The following PTPRD variants were observed in gnomAD, a reference collection of about 807,000 sequenced individuals.
The protein encoded by PTPRD is protein tyrosine phosphatase receptor type D.
Under a neutral mutation model 214.5 loss-of-function variants are expected in PTPRD, and 34 were observed. That is an observed-to-expected ratio of 0.16 (90% CI 0.12 to 0.21). The LOEUF (loss-of-function observed/expected upper bound fraction) is 0.21. Among genes scored for constraint, PTPRD ranks in the 10% least tolerant of loss-of-function variants. PTPRD has a pLI of 1.00. For synonymous variants in PTPRD, 1,128 were observed against 845.7 expected, an observed-to-expected ratio of 1.33 and a Z score of -5.79; for missense variants, 2,545 against 2,398.7, an observed-to-expected ratio of 1.06 and a Z score of -1.27.
At chr9:8,662,558 T>C (rs1268567516) in intron 12 of PTPRD, among the ~76,000 whole-genome samples, 2 of 152,066 alleles carry the variant, frequency 1.3e-5, no homozygotes, top group Non-Finnish European at 2.9e-5. Flanking sequence ...AAAATGGAAA[T>C]TTTCATCCTC....
intron 11 of PTPRD, among the ~76,000 whole-genome samples, chr9:8,822,185 T>C (rs573813894): frequency 9.2e-5 from 14 of 152,336 alleles, no homozygotes; most frequent in African/African-American, 2.9e-4. Flanking sequence ...TGTTTCTTAC[T>C]CTGTACCAAG....
At chr9:10,232,129 G>T (rs572747622) in intron 3 of PTPRD, among the ~76,000 whole-genome samples, 1 of 151,226 alleles carries the variant, frequency 6.6e-6, no homozygotes, top group Admixed American at 6.6e-5. Context: ...TTTTGCCCTA[G>T]CACCAAAGCC....
intron 8 of PTPRD, among the ~76,000 whole-genome samples, chr9:9,569,778 T>C (rs1262788217): frequency 6.6e-6 from 1 of 151,458 alleles, no homozygotes; most frequent in Admixed American, 6.6e-5. Flanking sequence ...GTGTAAATCA[T>C]ATAGAGTAAG....
intron 3 of PTPRD, among the ~76,000 whole-genome samples, chr9:10,317,338 G>C (rs898897287): frequency 6.6e-6 from 1 of 151,918 alleles, no homozygotes; most frequent in African/African-American, 2.4e-5. Context: ...AAACCATGCA[G>C]ATTATGTTAC....
At chr9:8,557,785 C>T (rs1319809241) in intron 14 of PTPRD, among the ~76,000 whole-genome samples, 1 of 133,610 alleles carries the variant, frequency 7.5e-6, no homozygotes, top group African/African-American at 2.8e-5. Flanking sequence ...AAAATACACA[C>T]ACACACACAC....
At chr9:10,320,381 G>A (rs1208659253) in intron 3 of PTPRD, among the ~76,000 whole-genome samples, 1 of 151,934 alleles carries the variant, frequency 6.6e-6, no homozygotes, top group African/African-American at 2.4e-5. Flanking sequence ...ATTAATATAT[G>A]GATTGATAAT....
At chr9:9,501,824 A>G (rs1178194953) in intron 8 of PTPRD, among the ~76,000 whole-genome samples, 3 of 151,972 alleles carry the variant, frequency 2.0e-5, no homozygotes, top group Non-Finnish European at 4.4e-5. Context: ...GTCAAAGAAG[A>G]TATCACAAAG....
At position 9,998,129 on chromosome 9, in the gene PTPRD, A is replaced by AAAAAATATATATAT. The variant is rs57991748; in HGVS notation, c.-472+35588_-472+35589insATATATATATTTTT. Among the ~76,000 whole-genome samples, 431 of 91,388 alleles carry AAAAAATATATATAT rather than the reference A, an allele frequency of 4.7e-3. 4 individuals carry two copies. The highest frequency in any genetic ancestry group is 8.1e-3 in the South Asian group (24 of 2,958). 60.0% of individuals were successfully genotyped at this position (91,388 alleles called of 152,430 possible). A position where few individuals can be genotyped will look rare whatever the true frequency, so the allele number is the denominator to read the frequency against. On this transcript the variant is annotated intron_variant, in intron 4 of 45. Coordinates refer to ENST00000381196, the MANE Select transcript of PTPRD (RefSeq NM_002839.4). Reference sequence around the variant, plus strand: ...TTAAAGTATAATAAAAAAAAAAAAAAATATATATATATATATAAAAGAAGA... The same window carrying AAAAAATATATATAT: ...TTAAAGTATAATAAAAAAAAAAAAAAAAAAATATATATATATATATATATATATATAAAAGAAGA...
At chr9:10,273,821 C>A (rs1047297050) in intron 3 of PTPRD, among the ~76,000 whole-genome samples, 2 of 152,038 alleles carry the variant, frequency 1.3e-5, no homozygotes, top group African/African-American at 4.8e-5. Flanking sequence ...AACACAATGG[C>A]CTTGCTTATA....
At chr9:9,001,218 C>T (rs1393080207) in intron 11 of PTPRD, among the ~76,000 whole-genome samples, 1 of 151,972 alleles carries the variant, frequency 6.6e-6, no homozygotes, top group African/African-American at 2.4e-5. Context: ...GGGGTTGCAG[C>T]AATAAACAAG....
intron 9 of PTPRD, among the ~76,000 whole-genome samples, chr9:9,343,292 T>A (rs2047540757): frequency 6.6e-6 from 1 of 152,184 alleles, no homozygotes; most frequent in Non-Finnish European, 1.5e-5. Context: ...TCTAGATCCT[T>A]GAAGAATCCC....
At chr9:8,561,726 A>G (rs2086444407) in intron 14 of PTPRD, among the ~76,000 whole-genome samples, 1 of 151,058 alleles carries the variant, frequency 6.6e-6, no homozygotes, top group South Asian at 2.1e-4. Flanking sequence ...TTATTTTTAT[A>G]AAGTCTTTAG....
At chr9:9,035,415 G>C (rs2099618351) in intron 10 of PTPRD, among the ~76,000 whole-genome samples, 1 of 152,026 alleles carries the variant, frequency 6.6e-6, no homozygotes, top group Admixed American at 6.6e-5. Context: ...AGACCTGAGA[G>C]TCATCTCTTT....
intron 7 of PTPRD, among the ~76,000 whole-genome samples, chr9:9,631,547 G>T (rs2095595833): frequency 6.6e-6 from 1 of 152,034 alleles, no homozygotes; most frequent in Admixed American, 6.6e-5. Flanking sequence ...AACATAGTCT[G>T]TAAGATTCAG....
At chr9:10,030,617 T>C (rs1363736445) in intron 4 of PTPRD, among the ~76,000 whole-genome samples, 1 of 152,018 alleles carries the variant, frequency 6.6e-6, no homozygotes, top group Admixed American at 6.6e-5. Context: ...CTCAGGGAAA[T>C]AAGAAGGGTC....
chr9:10,002,416 A>T (rs2096347294), intron 4 of PTPRD, among the ~76,000 whole-genome samples: 1 of 149,526 alleles, frequency 6.7e-6, no homozygotes, highest in African/African-American at 2.4e-5. Context: ...ATCAACACTT[A>T]ATCTACCTAT....
At chr9:8,610,599 A>C (rs376694003) in intron 14 of PTPRD, among the ~76,000 whole-genome samples, 1 of 152,214 alleles carries the variant, frequency 6.6e-6, no homozygotes, top group East Asian at 1.9e-4. Context: ...GCGAAAGTCA[A>C]GGAGTGGGCA....
At chr9:10,285,721 C>T (rs2095327203) in intron 3 of PTPRD, among the ~76,000 whole-genome samples, 1 of 150,028 alleles carries the variant, frequency 6.7e-6, no homozygotes, top group Non-Finnish European at 1.5e-5. Flanking sequence ...CGCCATTCTC[C>T]TGCCTCAGCC....
intron 11 of PTPRD, among the ~76,000 whole-genome samples, chr9:8,777,018 T>C (rs960236056): frequency 7.4e-6 from 1 of 135,956 alleles, no homozygotes; most frequent in East Asian, 2.1e-4. Context: ...TCTTACTCTG[T>C]CACCCAGGCA....
Sources: gnomAD v4.1 joint callset for allele counts (sites outside exome capture counted in the v4.1 genomes callset) on GRCh38, gnomAD v4.1.1 for gene constraint, MANE v1.5 for transcripts, NCBI Gene and HGNC (gene_info 2026-07-23, HGNC 2026-07-21) for gene names.